FGF2: variants seen among roughly 807,000 people sequenced by gnomAD.
The protein encoded by FGF2 is fibroblast growth factor 2, also known as basic fibroblast growth factor bFGF.
Under a neutral mutation model 15.9 loss-of-function variants are expected in FGF2, and 13 were observed. That is an observed-to-expected ratio of 0.82 (90% confidence interval 0.53 to 1.30). FGF2 has a LOEUF of 1.30. Among genes scored for constraint, FGF2 ranks in the 50% most tolerant of loss-of-function variants. The pLI is 0.00. For missense variants in FGF2, 163 were observed against 196.9 expected (o/e 0.83, Z 1.03); for synonymous variants, 90 against 78.4 (o/e 1.15, Z -0.78).
chr4:122,846,108 A>C (rs1342025084), intron 1 of FGF2, among the ~76,000 whole-genome samples: 1 of 152,228 alleles, frequency 6.6e-6, no homozygotes, highest in African/African-American at 2.4e-5. Flanking sequence ...GGGAGGCCCT[A>C]AGAGTGGTGG....
Position 122,897,740 on chromosome 4 carries a change from T to G in FGF2, c.*5344T>G, listed in dbSNP as rs1376866729. On this transcript the variant is annotated 3_prime_UTR_variant, in exon 3 of 3. Coordinates refer to ENST00000644866, the MANE Select transcript of FGF2 (RefSeq NM_001361665.2). ...TTTCACTAACACACACATATGTAGA[T>G]TTCACAAAATCCACCTATAATTGGT... 2 of 1,134,890 alleles carry G rather than the reference T, an allele frequency of 1.8e-6. No individual in the cohort carries two copies. The highest frequency in any genetic ancestry group is 2.5e-5 in the South Asian group (2 of 79,374). 70.3% of individuals were successfully genotyped at this position (1,134,890 alleles called of 1,614,324 possible). A position where few individuals can be genotyped will look rare whatever the true frequency, so the allele number is the denominator to read the frequency against.
At chr4:122,862,184 G>A (rs1726485495) in intron 1 of FGF2, among the ~76,000 whole-genome samples, 1 of 152,196 alleles carries the variant, frequency 6.6e-6, no homozygotes, top group Admixed American at 6.5e-5. Context: ...TTGAATTAAT[G>A]AGTAAATGTA....
chr4:122,882,597 GT>G (rs775817365), intron 2 of FGF2: 9 of 152,212 alleles, frequency 5.9e-5, no homozygotes, highest in South Asian at 2.1e-4. Context: ...TTTCCACCAA[GT>G]TGGTGCAGTA....
At chr4:122,866,424 A>G (rs1241955149) in intron 1 of FGF2, among the ~76,000 whole-genome samples, 1 of 152,222 alleles carries the variant, frequency 6.6e-6, no homozygotes, top group East Asian at 1.9e-4. Context: ...GATGGGAGAA[A>G]ATATTCTCAC....
chr4:122,878,393 A>G (rs1309374056), intron 2 of FGF2, among the ~76,000 whole-genome samples: 1 of 152,226 alleles, frequency 6.6e-6, no homozygotes, highest in Non-Finnish European at 1.5e-5. Context: ...GACATAGGAC[A>G]TGAAAAGGTG....
At position 122,827,228 on chromosome 4, in the gene FGF2, C is replaced by G; in HGVS notation, c.54C>G (p.Ser18Arg). ...TLPALPEDGG[S>R]GAFPPGHFKD... ...CCGCCTTGCCCGAGGATGGCGGCAG[C>G]GGCGCCTTCCCGCCCGGCCACTTCA... The change falls in exon 1 of 3, where the codon AGC becomes AGG. Residue 18 changes from serine to arginine, a missense_variant. Coordinates refer to ENST00000644866, the MANE Select transcript of FGF2 (RefSeq NM_001361665.2). This position sits in a 1 kb window ranked among gnomAD's most constrained non-coding sequence, Gnocchi z 4.2. 1 of 1,610,964 alleles carries G rather than the reference C, an allele frequency of 6.2e-7. No homozygotes were observed. The highest frequency in any genetic ancestry group is 8.5e-7 in the Non-Finnish European group (1 of 1,179,326).
At chr4:122,831,019 C>T (rs1273035629) in intron 1 of FGF2, among the ~76,000 whole-genome samples, 1 of 152,022 alleles carries the variant, frequency 6.6e-6, no homozygotes, top group Non-Finnish European at 1.5e-5. Context: ...GGGCTCTTTG[C>T]TACTGCATGT....
chr4:122,826,735 G>C, upstream of FGF2: 1 of 1,263,672 alleles, frequency 7.9e-7, no homozygotes, highest in African/African-American at 1.5e-5. Context: ...AGCGAGTAGG[G>C]GGCGGCGCGC....
intron 1 of FGF2, among the ~76,000 whole-genome samples, chr4:122,872,787 C>T (rs545513803): frequency 1.0e-3 from 158 of 152,168 alleles, no homozygotes; most frequent in African/African-American, 3.3e-3. Context: ...CCTTCAAAAG[C>T]GAAGGAGAAA....
chr4:122,844,582 T>TTC (rs1560740307), intron 1 of FGF2, among the ~76,000 whole-genome samples: 1 of 117,246 alleles, frequency 8.5e-6, no homozygotes, highest in Admixed American at 8.9e-5. Flanking sequence ...TTTCTTTCTT[T>TTC]CTTTCTTCCT....
Position 122,832,758 on chromosome 4 carries a change from A to G in FGF2, c.178+5406A>G, listed in dbSNP as rs577199314. Among the ~76,000 whole-genome samples the G allele has an allele frequency of 2.0e-5, 3 of 152,316 alleles. No individual in the cohort carries two copies. In the East Asian group the frequency reaches 5.8e-4, roughly 29 times the overall value. On this transcript the variant is annotated intron_variant, in intron 1 of 2. Transcript: ENST00000644866. ...ATTATCAGTGTAGAGTTTTAGCTGG[A>G]TCATTAGAAAATGCACTTATGGCAC...
rs769084285 is a variant in FGF2 at position 122,891,021 on chromosome 4, C to CTTTTTTTTTTTTTTTT, written c.283-1176_283-1175insTTTTTTTTTTTTTTTT. Reference sequence around the variant, plus strand: ...TGAAGTTGCTTTTTGAACAATTTATCTTTTTTTTTTTTTTGTTTTGTTTTG... The same window carrying CTTTTTTTTTTTTTTTT: ...TGAAGTTGCTTTTTGAACAATTTATCTTTTTTTTTTTTTTTTTTTTTTTTTTTTTTGTTTTGTTTTG... On this transcript the variant is annotated intron_variant, in intron 2 of 2. Transcript: ENST00000644866. Among the ~76,000 whole-genome samples, 146 of 94,678 alleles carry CTTTTTTTTTTTTTTTT rather than the reference C, an allele frequency of 1.5e-3. 1 individual carries two copies. Among genetic ancestry groups the CTTTTTTTTTTTTTTTT allele is most frequent in the East Asian group, 4.5e-3 (10 of 2,232 alleles). The allele number at this position is 94,678 out of a possible 152,430, so 62.1% of individuals were successfully genotyped here.
intron 1 of FGF2, among the ~76,000 whole-genome samples, chr4:122,870,216 G>A (rs974262686): frequency 6.6e-6 from 1 of 152,156 alleles, no homozygotes; most frequent in African/African-American, 2.4e-5. Flanking sequence ...TTTTTCATGT[G>A]TTGCTGAATT....
chr4:122,850,091 A>G (rs1050565306), intron 1 of FGF2, among the ~76,000 whole-genome samples: 11 of 152,086 alleles, frequency 7.2e-5, no homozygotes, highest in African/African-American at 2.7e-4. Flanking sequence ...GCAAAACCTC[A>G]TCTCTACTAA....
intron 1 of FGF2, among the ~76,000 whole-genome samples, chr4:122,870,074 G>A (rs1726697926): frequency 6.6e-6 from 1 of 152,152 alleles, no homozygotes; most frequent in South Asian, 2.1e-4. Flanking sequence ...GGCCTTTTCT[G>A]CATCTATTGA....
Position 122,844,571 on chromosome 4 carries a change from TTTTC to T in FGF2, c.178+17234_178+17237del, listed in dbSNP as rs760850966. Among the ~76,000 whole-genome samples, 46 of 128,336 alleles carry T rather than the reference TTTTC, an allele frequency of 3.6e-4. 1 individual carries two copies. Among genetic ancestry groups the T allele is most frequent in the African/African-American group, 6.7e-4 (18 of 26,994 alleles). The allele number at this position is 128,336 out of a possible 152,430, so 84.2% of individuals were successfully genotyped here. On this transcript the variant is annotated intron_variant, in intron 1 of 2. Transcript: ENST00000644866. ...TTTCTTTCTCTTTTTCTTTCTTTCT[TTTTC>T]TTTCTTTCTTTCTTCCTTCCTTCCT...
intron 1 of FGF2, among the ~76,000 whole-genome samples, chr4:122,833,179 A>ATGTGTGTGTGTGTG (rs139686023): frequency 0.04 from 6,022 of 149,010 alleles, 234 homozygotes; most frequent in East Asian, 0.12. Flanking sequence ...TGTATAATGG[A>ATGTGTGTGTGTGTG]TGTGTGTGTG....
intron 1 of FGF2, among the ~76,000 whole-genome samples, chr4:122,838,705 A>G (rs1411897126): frequency 6.6e-6 from 1 of 152,198 alleles, no homozygotes; most frequent in Non-Finnish European, 1.5e-5. Context: ...TGTGCCATCT[A>G]TTCCTCTGCC....
Position 122,897,569 on chromosome 4 carries a change from A to C in FGF2, c.*5173A>C. 4.1e-6 allele frequency: 5 copies of C among 1,217,592 alleles called. No homozygotes were observed. Among genetic ancestry groups the C allele is most frequent in the Non-Finnish European group, 6.1e-6 (5 of 820,232 alleles). 75.4% of individuals were successfully genotyped at this position (1,217,592 alleles called of 1,614,324 possible). On this transcript the variant is annotated 3_prime_UTR_variant, in exon 3 of 3. Transcript: ENST00000644866. ...TCTTAGCTATAAAGCAAGAAAGTAA[A>C]CACATTAATTTCCTCAACATTTTTA...
Sources: gnomAD v4.1 joint callset for allele counts (sites outside exome capture counted in the v4.1 genomes callset) on GRCh38, gnomAD v4.1.1 for gene constraint, Gnocchi (gnomAD v3.1) non-coding constraint, MANE v1.5 for transcripts, NCBI Gene and HGNC (gene_info 2026-07-23, HGNC 2026-07-21) for gene names.